The following PCDH15 variants were observed in gnomAD, a reference collection of about 807,000 sequenced individuals.
PCDH15 encodes the protein protocadherin related 15.
Under a neutral mutation model 178.5 loss-of-function variants are expected in PCDH15, and 129 were observed. The ratio of observed to expected loss-of-function variants is 0.72; its 90% CI spans 0.63 to 0.84. The LOEUF is 0.84. PCDH15 is among the 40% of genes least tolerant of loss of function. The probability of loss-of-function intolerance (pLI) is 0.00; values close to 1 mark genes in which losing one functional copy is unlikely to be tolerated. For missense variants in PCDH15, 2,230 were observed against 2,099.9 expected, an observed-to-expected ratio of 1.06 and a Z score of -1.21; for synonymous variants, 800 against 732.0, an observed-to-expected ratio of 1.09 and a Z score of -1.50.
At chr10:53,933,285 A>T (rs911416650) in intron 25 of PCDH15, among the ~76,000 whole-genome samples, 2 of 151,818 alleles carry the variant, frequency 1.3e-5, no homozygotes, top group East Asian at 1.9e-4. Flanking sequence ...TAACTCTTCA[A>T]TTAGCATTAG....
chr10:55,557,161 C>A (rs1346324081), intron 2 of PCDH15, among the ~76,000 whole-genome samples: 1 of 152,088 alleles, frequency 6.6e-6, no homozygotes, highest in Admixed American at 6.6e-5. Context: ...ATATTTAGCA[C>A]TAAAATACAA....
At chr10:54,698,140 G>T (rs1340736548) in intron 1 of PCDH15, among the ~76,000 whole-genome samples, 1 of 152,082 alleles carries the variant, frequency 6.6e-6, no homozygotes, top group African/African-American at 2.4e-5. Flanking sequence ...CATCCAAACA[G>T]AATTTAAGAA....
intron 3 of PCDH15, among the ~76,000 whole-genome samples, chr10:54,816,628 A>C (rs1441067646): frequency 2.0e-5 from 3 of 152,112 alleles, no homozygotes; most frequent in Admixed American, 6.6e-5. Flanking sequence ...AAGAATAAAC[A>C]AAAGCTAAAG....
At chr10:54,262,619 C>T (rs1015236597) in intron 8 of PCDH15, among the ~76,000 whole-genome samples, 85 of 152,142 alleles carry the variant, frequency 5.6e-4, no homozygotes, top group African/African-American at 1.9e-3. Context: ...CAGTACACCA[C>T]GCAGGGACAT....
chr10:53,870,192 A>G (rs1304304020), intron 26 of PCDH15, among the ~76,000 whole-genome samples: 1 of 152,218 alleles, frequency 6.6e-6, no homozygotes, highest in Non-Finnish European at 1.5e-5. Context: ...AAATAGTCAT[A>G]TTCCATCTTA....
In PCDH15 at chr10:54,277,872, A is replaced by C. The variant is rs964542870; in HGVS notation, c.876+39399T>G. Among the ~76,000 whole-genome samples the C allele has an allele frequency of 6.4e-5, 9 of 141,600 alleles. No individual in the cohort carries two copies. The East Asian group carries it at 9.8e-4, about 15-fold the overall frequency. The allele number at this position is 141,600 out of a possible 152,430, so 92.9% of individuals were successfully genotyped here. On this transcript the variant is annotated intron_variant, in intron 8 of 37. Coordinates refer to ENST00000644397, the MANE Select transcript of PCDH15 (RefSeq NM_001384140.1). The stretch of plus-strand genomic sequence containing the variant: ...AGTATAGAGGAAGCCAATATAATAC[A>C]TCAAGGTTTATGGTTTGAAAAATGG...
chr10:54,090,124 A>G, intron 15 of PCDH15, 61 bp from the exon 16 acceptor site: 1 of 1,283,234 alleles, frequency 7.8e-7, no homozygotes, highest in Non-Finnish European at 1.1e-6. Context: ...CTCATTACAG[A>G]GTAATATAAA....
chr10:54,563,671 T>C (rs1274603229), intron 2 of PCDH15, among the ~76,000 whole-genome samples: 1 of 152,124 alleles, frequency 6.6e-6, no homozygotes, highest in Non-Finnish European at 1.5e-5. Context: ...TTAAAGGACA[T>C]CACCTTGCCC....
intron 2 of PCDH15, among the ~76,000 whole-genome samples, chr10:54,634,308 TATAA>T (rs749248420): frequency 2.6e-5 from 4 of 152,268 alleles, no homozygotes; most frequent in South Asian, 2.1e-4. Flanking sequence ...TTTCTATACT[TATAA>T]ATATTTTGCA....
At chr10:54,465,508 C>A (rs1189985353) in intron 3 of PCDH15, among the ~76,000 whole-genome samples, 2 of 151,974 alleles carry the variant, frequency 1.3e-5, no homozygotes, top group African/African-American at 4.8e-5. Flanking sequence ...GTTTCTGTGC[C>A]TGATTTATTT....
intron 2 of PCDH15, among the ~76,000 whole-genome samples, chr10:55,326,130 T>G (rs779191899): frequency 5.3e-5 from 8 of 152,084 alleles, no homozygotes; most frequent in East Asian, 3.9e-4. Context: ...AACACCTTGC[T>G]GGTGGGAATG....
At chr10:54,841,986 C>T (rs1002210718) in intron 3 of PCDH15, among the ~76,000 whole-genome samples, 3 of 151,810 alleles carry the variant, frequency 2.0e-5, no homozygotes, top group African/African-American at 7.2e-5. Flanking sequence ...TCAATAAGCA[C>T]ATATGCTATT....
At chr10:54,733,269 T>C (rs1943652340) in intron 1 of PCDH15, among the ~76,000 whole-genome samples, 1 of 151,586 alleles carries the variant, frequency 6.6e-6, no homozygotes, top group African/African-American at 2.4e-5. Flanking sequence ...CTTTCAAGAA[T>C]AGCAAAAGAA....
intron 2 of PCDH15, among the ~76,000 whole-genome samples, chr10:55,461,085 G>T (rs1324828500): frequency 6.6e-6 from 1 of 152,026 alleles, no homozygotes; most frequent in African/African-American, 2.4e-5. Context: ...TAATCCTTTG[G>T]GTGGCTTGTT....
intron 2 of PCDH15, among the ~76,000 whole-genome samples, chr10:55,156,000 C>T (rs1439257671): frequency 1.3e-5 from 2 of 152,062 alleles, no homozygotes; most frequent in Non-Finnish European, 2.9e-5. Context: ...TGAAAGAAGA[C>T]CTGCAAATGG....
At chr10:54,922,759 G>T (rs1837526759) in intron 2 of PCDH15, among the ~76,000 whole-genome samples, 1 of 152,132 alleles carries the variant, frequency 6.6e-6, no homozygotes, top group Admixed American at 6.5e-5. Context: ...GCCTTGGGAA[G>T]CTCCACCTCT....
rs2076205287 is a variant in PCDH15, at chr10:53,820,154, A to G, written c.4433+11T>C. 5.0e-6 allele frequency: 2 copies of G among 397,696 alleles called. No homozygotes were observed. The highest frequency in any genetic ancestry group is 4.1e-5 in the African/African-American group (2 of 48,588). 24.6% of individuals were successfully genotyped at this position (397,696 alleles called of 1,614,324 possible). On this transcript the variant is annotated intron_variant, in intron 33 of 37. Transcript: ENST00000644397. ...CACACTCACATTAAAGGCTTACACA[A>G]TTGTGAATACCTTGTCAGAGTCCGC...
chr10:55,255,977 G>T (rs1425157821), intron 1 of PCDH15, among the ~76,000 whole-genome samples: 5 of 152,154 alleles, frequency 3.3e-5, no homozygotes, highest in Non-Finnish European at 5.9e-5. Context: ...GTCAATTTTG[G>T]CTTTTGTTGC....
At chr10:53,845,066 A>G (rs2077883864) in intron 28 of PCDH15, among the ~76,000 whole-genome samples, 1 of 152,056 alleles carries the variant, frequency 6.6e-6, no homozygotes, top group South Asian at 2.1e-4. Context: ...AAGGATCTGA[A>G]TAGACAATTC....
Sources: allele counts gnomAD v4.1 joint callset (sites outside exome capture counted in the v4.1 genomes callset), GRCh38; gene constraint gnomAD v4.1.1; transcripts MANE v1.5; gene names NCBI Gene and HGNC (gene_info 2026-07-23, HGNC 2026-07-21).